RABEPK: variants seen among roughly 807,000 people sequenced by gnomAD.
RABEPK encodes the protein 40 kDa Rab9 effector protein.
RABEPK carries 27 observed loss-of-function variants against 34.1 expected under a neutral mutation model. That is an observed-to-expected ratio of 0.79 (90% CI 0.58 to 1.09). The LOEUF (loss-of-function observed/expected upper bound fraction) is 1.09. Ranked by LOEUF, RABEPK falls within the 50% of genes least tolerant of loss-of-function variation. RABEPK has a pLI of 0.00. For missense variants in RABEPK, 449 were observed against 462.6 expected, an observed-to-expected ratio of 0.97 and a Z score of 0.27; for synonymous variants, 172 against 169.2, an observed-to-expected ratio of 1.02 and a Z score of -0.13.
chr9:125,221,263 C>T (rs1386477578), intron 5 of RABEPK: 2 of 152,002 alleles, frequency 1.3e-5, no homozygotes, highest in African/African-American at 2.4e-5. Context: ...TTGTGACGCC[C>T]AGGTGGGAGG....
At chr9:125,203,507 C>T (rs1209494522) in intron 2 of RABEPK, among the ~76,000 whole-genome samples, 1 of 152,174 alleles carries the variant, frequency 6.6e-6, no homozygotes, top group Non-Finnish European at 1.5e-5. Flanking sequence ...TAAATAGTCT[C>T]TGTGTACTGG....
intron 6 of RABEPK, among the ~76,000 whole-genome samples, chr9:125,232,303 T>C (rs947716356): frequency 6.6e-6 from 1 of 151,596 alleles, no homozygotes; most frequent in Non-Finnish European, 1.5e-5. Flanking sequence ...TAATAGTGAA[T>C]GGTTGAAGGT....
chr9:125,212,521 G>C (rs1329634768), intron 3 of RABEPK, among the ~76,000 whole-genome samples: 2 of 151,462 alleles, frequency 1.3e-5, no homozygotes, highest in Admixed American at 6.6e-5. Context: ...GCCTGACCAA[G>C]GTTAGGTATT....
At chr9:125,215,393 T>G (rs1830867749) in intron 4 of RABEPK, among the ~76,000 whole-genome samples, 1 of 151,720 alleles carries the variant, frequency 6.6e-6, no homozygotes, top group African/African-American at 2.4e-5. Context: ...CACTGCAGCC[T>G]CGACCACCCA....
chr9:125,212,581 A>G (rs766478363), intron 3 of RABEPK, among the ~76,000 whole-genome samples: 1 of 152,026 alleles, frequency 6.6e-6, no homozygotes, highest in Admixed American at 6.6e-5. Flanking sequence ...TGCAAGTAAC[A>G]GAATCTCACT....
chr9:125,202,385 G>A (rs1052319446), intron 1 of RABEPK, among the ~76,000 whole-genome samples: 8 of 151,848 alleles, frequency 5.3e-5, no homozygotes, highest in South Asian at 2.1e-4. Context: ...TGAGCTGGGC[G>A]TGGGTGGGCA....
chr9:125,229,282 A>G (rs1215008704), intron 6 of RABEPK, among the ~76,000 whole-genome samples: 1 of 151,658 alleles, frequency 6.6e-6, no homozygotes, highest in East Asian at 1.9e-4. Flanking sequence ...AGAAAAAAAA[A>G]ATCAGCCAGG....
At chr9:125,202,445 C>G (rs1198320835) in intron 1 of RABEPK, among the ~76,000 whole-genome samples, 1 of 151,888 alleles carries the variant, frequency 6.6e-6, no homozygotes, top group Non-Finnish European at 1.5e-5. Context: ...TCATTTAAAC[C>G]TGGGAGGGGA....
At chr9:125,223,135 C>T (rs1429879925) in intron 5 of RABEPK, among the ~76,000 whole-genome samples, 1 of 152,062 alleles carries the variant, frequency 6.6e-6, no homozygotes, top group Non-Finnish European at 1.5e-5. Flanking sequence ...CAAAAATCAG[C>T]CAGGAATGGT....
chr9:125,207,599 C>T lies in RABEPK; in HGVS notation c.89C>T (p.Ala30Val). 6.2e-7 allele frequency: 1 copy of T among 1,614,122 alleles called. No individual in the cohort carries two copies. Among genetic ancestry groups the T allele is most frequent in the Non-Finnish European group, 8.5e-7 (1 of 1,179,978 alleles). The change falls in exon 3 of 8, where the codon GCT becomes GTT. Residue 30 changes from alanine (A) to valine (V), a missense_variant. Ala to Val is a moderately conservative substitution (Grantham distance 64). Coordinates refer to ENST00000373538, the MANE Select transcript of RABEPK (RefSeq NM_005833.4). ...TLTVPGDSPC[A>V]RVGHSCSYLP... ...ACTGTCCCTGGAGACAGCCCCTGTG[C>T]TCGAGTTGGCCACAGCTGTTCATAT...
intron 5 of RABEPK, chr9:125,222,139 T>G (rs138981259): frequency 7.0e-6 from 1 of 143,084 alleles, no homozygotes; most frequent in African/African-American, 2.6e-5. Flanking sequence ...AATTAAGAGA[T>G]AGCACATTCC....
intron 4 of RABEPK, among the ~76,000 whole-genome samples, chr9:125,215,466 T>C (rs1262750563): frequency 1.3e-5 from 2 of 151,886 alleles, no homozygotes. Flanking sequence ...CTTGCCACCA[T>C]GCCTAGCTAA....
At chr9:125,227,557 G>T (rs1444947114) in intron 5 of RABEPK, among the ~76,000 whole-genome samples, 1 of 151,924 alleles carries the variant, frequency 6.6e-6, no homozygotes, top group Non-Finnish European at 1.5e-5. Flanking sequence ...AAGTAGCTGG[G>T]ATTACTAGGC....
chr9:125,214,127 A>G (rs1004720467), intron 4 of RABEPK, among the ~76,000 whole-genome samples: 1 of 152,072 alleles, frequency 6.6e-6, no homozygotes, highest in African/African-American at 2.4e-5. Context: ...GTCTCAAAAA[A>G]AAAAGAAAAA....
At chr9:125,226,207 C>T (rs1195427785) in intron 5 of RABEPK, among the ~76,000 whole-genome samples, 3 of 150,884 alleles carry the variant, frequency 2.0e-5, no homozygotes, top group African/African-American at 7.3e-5. Context: ...ATCCCACCTA[C>T]TCAGGAGGCT....
intron 4 of RABEPK, among the ~76,000 whole-genome samples, chr9:125,215,852 C>G (rs899008125): frequency 2.2e-4 from 34 of 152,164 alleles, no homozygotes; most frequent in Non-Finnish European, 4.0e-4. Flanking sequence ...TTGATACATA[C>G]TACCAAATTG....
chr9:125,202,990 T>A lies in RABEPK; in HGVS notation c.-6-18T>A. ...TAATCATAAGTGTCTAAAAAGTGCC[T>A]TTCTTTCTTATGCATAGGACACCAT... is the stretch of plus-strand genomic sequence containing the variant. On this transcript the variant is annotated intron_variant, in intron 1 of 7. Coordinates refer to ENST00000373538, the MANE Select transcript of RABEPK (RefSeq NM_005833.4). 6.2e-7 allele frequency: 1 copy of A among 1,611,864 alleles called. No individual in the cohort carries two copies. The highest frequency in any genetic ancestry group is 8.5e-7 in the Non-Finnish European group (1 of 1,178,286).
intron 7 of RABEPK, among the ~76,000 whole-genome samples, chr9:125,232,949 G>A (rs541104134): frequency 4.9e-4 from 75 of 151,974 alleles, no homozygotes; most frequent in African/African-American, 1.6e-3. Flanking sequence ...GGTGGCGGGC[G>A]CCTGTAGTCC....
At chr9:125,226,479 C>T (rs998288483) in intron 5 of RABEPK, among the ~76,000 whole-genome samples, 5 of 152,112 alleles carry the variant, frequency 3.3e-5, no homozygotes, top group African/African-American at 9.6e-5. Flanking sequence ...TATCCTAGCA[C>T]TTTGGGATGC....
Sources: allele counts gnomAD v4.1 joint callset (sites outside exome capture counted in the v4.1 genomes callset), GRCh38; gene constraint gnomAD v4.1.1; transcripts MANE v1.5; gene names NCBI Gene and HGNC (gene_info 2026-07-23, HGNC 2026-07-21).